Variants in PTCHD4 observed in about 807,000 individuals in gnomAD.
The protein encoded by PTCHD4 is patched domain containing 4.
PTCHD4 carries 33 observed loss-of-function variants against 58.1 expected under a neutral mutation model. That is an observed-to-expected ratio of 0.57 (90% confidence interval 0.43 to 0.76). The LOEUF is 0.76. Ranked by LOEUF, PTCHD4 falls within the 30% of genes least tolerant of loss-of-function variation. The probability of loss-of-function intolerance (pLI) is 0.00; values close to 1 mark genes in which losing one functional copy is unlikely to be tolerated. For synonymous variants in PTCHD4, 478 were observed against 409.6 expected (o/e 1.17, Z -2.02); for missense variants, 1,058 against 1,027.1 (o/e 1.03, Z -0.41).
intron 1 of PTCHD4, among the ~76,000 whole-genome samples, chr6:48,080,455 C>T (rs538189215): frequency 6.6e-6 from 1 of 152,258 alleles, no homozygotes; most frequent in Non-Finnish European, 1.5e-5. Context: ...TGGCAAAGTG[C>T]CCCTTCTTTG....
At chr6:47,938,817 G>T (rs1766106437) in intron 4 of PTCHD4, among the ~76,000 whole-genome samples, 1 of 152,160 alleles carries the variant, frequency 6.6e-6, no homozygotes, top group African/African-American at 2.4e-5. Context: ...AAAGTGTTCA[G>T]AATCTTTCCA....
intron 3 of PTCHD4, among the ~76,000 whole-genome samples, chr6:48,032,167 T>C (rs1322317859): frequency 2.6e-5 from 4 of 151,400 alleles, no homozygotes; most frequent in Non-Finnish European, 5.9e-5. Context: ...AGAAAGTGTG[T>C]ATGAAAAAAA....
chr6:47,933,143 C>A (rs1210926857), intron 4 of PTCHD4, among the ~76,000 whole-genome samples: 1 of 152,182 alleles, frequency 6.6e-6, no homozygotes, highest in Non-Finnish European at 1.5e-5. Context: ...GAGGAGGAAC[C>A]ATATGCTCTG....
intron 4 of PTCHD4, among the ~76,000 whole-genome samples, chr6:47,896,220 C>G (rs1429617292): frequency 6.6e-6 from 1 of 152,138 alleles, no homozygotes; most frequent in Non-Finnish European, 1.5e-5. Context: ...ACACTGTCTT[C>G]TAATGTGATG....
chr6:48,055,560 C>T (rs1403557179), intron 3 of PTCHD4, among the ~76,000 whole-genome samples: 3 of 152,158 alleles, frequency 2.0e-5, no homozygotes, highest in Admixed American at 6.5e-5. Flanking sequence ...TCTAAAGGCT[C>T]ACAGCCTAGA....
chr6:47,999,958 G>GC (rs1279652846), intron 4 of PTCHD4, among the ~76,000 whole-genome samples: 1 of 152,096 alleles, frequency 6.6e-6, no homozygotes, highest in African/African-American at 2.4e-5. Flanking sequence ...CAATCCATTT[G>GC]CCCATCTGTG....
In PTCHD4 at chr6:48,103,949, T is replaced by C. The variant is rs550839595; in HGVS notation, c.-970+7100A>G. 7.2e-5 allele frequency among the ~76,000 whole-genome samples: 11 copies of C among 152,318 alleles called. No homozygotes were observed. The East Asian group carries it at 2.1e-3, about 29-fold the overall frequency. On this transcript the variant is annotated intron_variant, in intron 1 of 4. Coordinates refer to ENST00000339488, the MANE Select transcript of PTCHD4 (RefSeq NM_001384253.1). The stretch of plus-strand genomic sequence containing the variant: ...AAAGCCTCCAAGAAATATGGGACTA[T>C]GTGAAAAGACCAAATCTACGTCTAA...
intron 4 of PTCHD4, among the ~76,000 whole-genome samples, chr6:47,894,424 TCCCCATCTGTGTTACTTC>T (rs1764469394): frequency 1.3e-5 from 2 of 152,290 alleles, no homozygotes; most frequent in Non-Finnish European, 2.9e-5. Flanking sequence ...CCAGGTTCAG[TCCCCATCTGTGTTACTTC>T]CCAACTAGAT....
chr6:48,063,876 C>G (rs1764710518), intron 3 of PTCHD4, among the ~76,000 whole-genome samples: 1 of 152,102 alleles, frequency 6.6e-6, no homozygotes, highest in Non-Finnish European at 1.5e-5. Flanking sequence ...TAATGCTGGT[C>G]CTCACTTTTC....
intron 1 of PTCHD4, among the ~76,000 whole-genome samples, chr6:48,074,289 T>C (rs1200250304): frequency 2.0e-5 from 3 of 152,138 alleles, no homozygotes; most frequent in Admixed American, 1.3e-4. Context: ...ACAAGAACAG[T>C]AGTTATAGAG....
intron 3 of PTCHD4, among the ~76,000 whole-genome samples, chr6:48,043,367 A>G (rs1763912785): frequency 6.6e-6 from 1 of 151,884 alleles, no homozygotes; most frequent in East Asian, 1.9e-4. Context: ...TAGAATTACT[A>G]GAGAATTATT....
intron 4 of PTCHD4, 102 bp from the exon 5 acceptor site, chr6:47,880,038 A>G (rs1049035465): frequency 2.6e-5 from 24 of 917,734 alleles, no homozygotes; most frequent in Middle Eastern, 3.5e-4. Context: ...TTTATACTCT[A>G]ATCTTCAAAG....
At chr6:47,953,469 T>G (rs13198470) in intron 4 of PTCHD4, among the ~76,000 whole-genome samples, 7 of 152,116 alleles carry the variant, frequency 4.6e-5, no homozygotes, top group Non-Finnish European at 1.0e-4. Flanking sequence ...ACTGTACATC[T>G]CAGAGGGAAT....
At chr6:47,890,930 G>T in intron 4 of PTCHD4, 1 of 980,490 alleles carries the variant, frequency 1.0e-6, no homozygotes, top group Non-Finnish European at 1.2e-6. Flanking sequence ...AATATGGGCC[G>T]TTCACTGTGG....
Position 48,068,142 on chromosome 6 carries a change from A to C in PTCHD4, c.417+88T>G. ...GCCTGCCTGAGATCCTCTAGCACTG[A>C]AATAATATCATCCAGCACGCATTTC... On this transcript the variant is annotated intron_variant, in intron 3 of 4. Coordinates refer to ENST00000339488, the MANE Select transcript of PTCHD4 (RefSeq NM_001384253.1). The surrounding 1 kb of genome is among the most constrained non-coding windows in gnomAD (Gnocchi z 4.2). 3 of 1,405,966 alleles carry C rather than the reference A, an allele frequency of 2.1e-6. No homozygotes were observed. Among genetic ancestry groups the C allele is most frequent in the Non-Finnish European group, 2.9e-6 (3 of 1,037,408 alleles). 87.1% of individuals were successfully genotyped at this position (1,405,966 alleles called of 1,614,324 possible).
chr6:47,985,429 T>C (rs1055299821), intron 4 of PTCHD4, among the ~76,000 whole-genome samples: 6 of 152,132 alleles, frequency 3.9e-5, no homozygotes, highest in African/African-American at 1.4e-4. Context: ...AGCATATACA[T>C]AGACAGCAAG....
intron 1 of PTCHD4, among the ~76,000 whole-genome samples, chr6:48,094,580 TC>T (rs2113905562): frequency 6.6e-6 from 1 of 152,308 alleles, no homozygotes; most frequent in Admixed American, 6.5e-5. Context: ...GAAATAACTT[TC>T]CCTCTGTAAA....
At chr6:47,915,766 G>A (rs1765224378) in intron 4 of PTCHD4, among the ~76,000 whole-genome samples, 2 of 151,980 alleles carry the variant, frequency 1.3e-5, no homozygotes. Context: ...CCTCAGCATT[G>A]CCCCGTACTG....
At chr6:48,098,806 T>C (rs542786938) in intron 1 of PTCHD4, among the ~76,000 whole-genome samples, 1 of 152,272 alleles carries the variant, frequency 6.6e-6, no homozygotes, top group East Asian at 1.9e-4. Context: ...TAGCTATGGG[T>C]AAAAGGAGAT....
Sources: gnomAD v4.1 joint callset for allele counts (sites outside exome capture counted in the v4.1 genomes callset) on GRCh38, gnomAD v4.1.1 for gene constraint, Gnocchi (gnomAD v3.1) non-coding constraint, MANE v1.5 for transcripts, NCBI Gene and HGNC (gene_info 2026-07-23, HGNC 2026-07-21) for gene names.